Variants in PRR23C observed in about 807,000 individuals in gnomAD.
The protein encoded by PRR23C is proline-rich protein 23C.
PRR23C carries 1 observed loss-of-function variant against 0.1 expected under a neutral mutation model. That is an observed-to-expected ratio of 6.80 (90% confidence interval 2.41 to 32.24). PRR23C has a LOEUF of 32.24. Among genes scored for constraint, PRR23C ranks in the 30% most tolerant of loss-of-function variants. The pLI is 0.11. For synonymous variants in PRR23C, 172 were observed against 168.1 expected, an observed-to-expected ratio of 1.02 and a Z score of -0.18; for missense variants, 361 against 370.4, an observed-to-expected ratio of 0.97 and a Z score of 0.21.
rs1937178019 is a variant in PRR23C, at chr3:139,044,340, C to T, written c.281G>A (p.Gly94Glu). The T allele has an allele frequency of 3.7e-6, 6 of 1,608,562 alleles. No homozygotes were observed. The highest frequency in any genetic ancestry group is 4.5e-5 in the East Asian group (2 of 44,626). Residue 94 changes from glycine (G) to glutamate (E), a missense_variant, in exon 1 of 1, where the codon GGA (glycine) becomes GAA (glutamate). Coordinates refer to ENST00000413199, the MANE Select transcript of PRR23C (RefSeq NM_001134657.1). The surrounding 1 kb of genome is among the most constrained non-coding windows in gnomAD (Gnocchi z 7.5). ...CTCGGGGATCACGATGAGGGTGTGT[C>T]CACCAAGAGACACTCGCAGGACCGA... ...PMSVLRVSLG[G>E]HTLIVIPEVL...
chr3:139,044,404 GGGGCACACGCA>G, the PRR23C span: 1 of 1,570,902 alleles, frequency 6.4e-7, no homozygotes, highest in African/African-American at 1.4e-5. The surrounding 1 kb of genome is among the most constrained non-coding windows in gnomAD (Gnocchi z 7.5). Context: ...ACGTCCTCCA[GGGGCACACGCA>G]GGGCACAGCC....
Position 139,044,129 on chromosome 3 carries a change from C to T in PRR23C, c.492G>A (p.Pro164=), listed in dbSNP as rs1937173743. Residue 164 remains proline, a synonymous_variant, in exon 1 of 1, where the codon CCG becomes CCA. Transcript: ENST00000413199. The surrounding 1 kb of genome is among the most constrained non-coding windows in gnomAD (Gnocchi z 7.5). ...AYEEDADSEF[P]ELWMDSAAGS... is the part of the protein sequence containing the mutation. ...CGGCTGCGGAGTCCATCCAGAGCTC[C>T]GGGAACTCAGAGTCCGCGTCCTCCT... 2.5e-6 allele frequency: 4 copies of T among 1,612,864 alleles called. No individual in the cohort carries two copies. Among genetic ancestry groups the T allele is most frequent in the Non-Finnish European group, 2.5e-6 (3 of 1,179,402 alleles).
rs2107775034 is a variant in PRR23C at position 139,042,268 on chromosome 3, G to A, written c.*1564C>T. 6.6e-6 allele frequency: 1 copy of A among 152,220 alleles called. No individual in the cohort carries two copies. Among genetic ancestry groups the A allele is most frequent in the African/African-American group, 2.4e-5 (1 of 41,534 alleles). 9.4% of individuals were successfully genotyped at this position (152,220 alleles called of 1,614,324 possible). A position where few individuals can be genotyped will look rare whatever the true frequency, so the allele number is the denominator to read the frequency against. On this transcript the variant is annotated 3_prime_UTR_variant, in exon 1 of 1. Transcript: ENST00000413199. ...CCTGGTCTCATTAGCGCTCTTGCCA[G>A]GTTTCTGTACGTACTCTTGTGGCCC...
chr3:139,043,444 GA>G lies in PRR23C; in HGVS notation c.*387del, dbSNP rs1203075695. ...AAATAAATGTAGTAAATTAACTTGG[GA>G]GAAAAGGTGTGCCATGGTAACGTGC... On this transcript the variant is annotated 3_prime_UTR_variant, in exon 1 of 1. Transcript: ENST00000413199. The G allele has an allele frequency of 1.2e-5, 2 of 167,802 alleles. No homozygotes were observed. Among genetic ancestry groups the G allele is most frequent in the African/African-American group, 2.4e-5 (1 of 41,776 alleles). 10.4% of individuals were successfully genotyped at this position (167,802 alleles called of 1,614,324 possible).
Position 139,043,754 on chromosome 3 carries a change from G to T in PRR23C, c.*78C>A. On this transcript the variant is annotated 3_prime_UTR_variant, in exon 1 of 1. Coordinates refer to ENST00000413199, the MANE Select transcript of PRR23C (RefSeq NM_001134657.1). ...CCACTCTCCGAGATCCTTGTAGGTT[G>T]CGCAACATACACACAACGGCTATCA... 2 of 1,299,984 alleles carry T rather than the reference G, an allele frequency of 1.5e-6. No homozygotes were observed. The highest frequency in any genetic ancestry group is 2.1e-6 in the Non-Finnish European group (2 of 960,286). 80.5% of individuals were successfully genotyped at this position (1,299,984 alleles called of 1,614,324 possible).
chr3:139,044,012 G>A lies in PRR23C; in HGVS notation c.609C>T (p.Asn203=). The A allele has an allele frequency of 3.1e-6, 5 of 1,613,122 alleles. No individual in the cohort carries two copies. The highest frequency in any genetic ancestry group is 2.2e-5 in the East Asian group (1 of 44,846). The change falls in exon 1 of 1, where the codon AAC becomes AAT. Residue 203 remains asparagine (N), a synonymous_variant. Transcript: ENST00000413199. This position sits in a 1 kb window ranked among gnomAD's most constrained non-coding sequence, Gnocchi z 7.5. The stretch of plus-strand genomic sequence containing the variant: ...GTGGAGAGCGTCTCTCTGAACTGGG[G>A]TTGGGGGCCAGAGCACAGGGCCCTC... ...PIRGPCALAP[N]PSSERRSPRP... is the part of the protein sequence containing the mutation.
Position 139,043,910 on chromosome 3 carries a change from C to A in PRR23C, c.711G>T (p.Pro237=). The change falls in exon 1 of 1, where the codon CCG becomes CCT. Residue 237 remains proline (P), a synonymous_variant. Transcript: ENST00000413199. ...SSPLQPLPPS[P]SPGPHARPEL... is the part of the protein sequence containing the mutation. ...CCGGGCGCGCGTGGGGACCTGGACTCGGAGAGGGAGGTAGAGGTTGGAGAG... is the reference window on the plus strand; with the variant it reads ...CCGGGCGCGCGTGGGGACCTGGACTAGGAGAGGGAGGTAGAGGTTGGAGAG... 1 of 1,593,670 alleles carries A rather than the reference C, an allele frequency of 6.3e-7. No homozygotes were observed. Among genetic ancestry groups the A allele is most frequent in the Admixed American group, 1.8e-5 (1 of 56,330 alleles).
In PRR23C at chr3:139,044,683, C is replaced by T; in HGVS notation, c.-63G>A. Reference sequence around the variant, plus strand: ...GCAGGGGACGTGGGTGCGGGGGGCTCGGGGCGGCGAAGTCCTCTTTGAGGT... The same window carrying T: ...GCAGGGGACGTGGGTGCGGGGGGCTTGGGGCGGCGAAGTCCTCTTTGAGGT... On this transcript the variant is annotated 5_prime_UTR_variant, in exon 1 of 1. Transcript: ENST00000413199. The surrounding 1 kb of genome is among the most constrained non-coding windows in gnomAD (Gnocchi z 7.5). 2.1e-6 allele frequency: 3 copies of T among 1,413,764 alleles called. No homozygotes were observed. The highest frequency in any genetic ancestry group is 3.1e-5 in the South Asian group (2 of 65,398). The allele number at this position is 1,413,764 out of a possible 1,614,324, so 87.6% of individuals were successfully genotyped here.
rs1937186602 is a variant in PRR23C, at chr3:139,044,812, C to CTG, written c.-194_-193dup. 1.4e-5 allele frequency: 9 copies of CTG among 624,030 alleles called. No individual in the cohort carries two copies. The South Asian group carries it at 2.2e-4, about 15-fold the overall frequency. The allele number at this position is 624,030 out of a possible 1,614,324, so 38.7% of individuals were successfully genotyped here. A position where few individuals can be genotyped will look rare whatever the true frequency, so the allele number is the denominator to read the frequency against. ...GCTGCTGCTGGGGGAACCTCGCACG[C>CTG]TGTGTGGCTCAGCCTCGCGCGATGG... On this transcript the variant is annotated 5_prime_UTR_variant, in exon 1 of 1. Transcript: ENST00000413199. The surrounding 1 kb of genome is among the most constrained non-coding windows in gnomAD (Gnocchi z 7.5).
At position 139,042,422 on chromosome 3, in the gene PRR23C, C is replaced by T. The variant is rs1406958915; in HGVS notation, c.*1410G>A. ...ACAAAGCAAAAATTCAACAGTTTTT[C>T]ATGATCTGAAAGACTGAAAATTAAC... On this transcript the variant is annotated 3_prime_UTR_variant, in exon 1 of 1. Coordinates refer to ENST00000413199, the MANE Select transcript of PRR23C (RefSeq NM_001134657.1). 1.3e-5 allele frequency: 2 copies of T among 152,152 alleles called. No homozygotes were observed. Among genetic ancestry groups the T allele is most frequent in the East Asian group, 3.8e-4 (2 of 5,198 alleles). 9.4% of individuals were successfully genotyped at this position (152,152 alleles called of 1,614,324 possible).
Position 139,044,800 on chromosome 3 carries a change from GA to G in PRR23C, c.-181del. ...ATCGGAGTCGGTGCTGCTGCTGGGG[GA>G]ACCTCGCACGCTGTGTGGCTCAGCC... On this transcript the variant is annotated 5_prime_UTR_variant, in exon 1 of 1. Coordinates refer to ENST00000413199, the MANE Select transcript of PRR23C (RefSeq NM_001134657.1). This position sits in a 1 kb window ranked among gnomAD's most constrained non-coding sequence, Gnocchi z 7.5. The G allele has an allele frequency of 4.9e-6, 3 of 617,320 alleles. No individual in the cohort carries two copies. The highest frequency in any genetic ancestry group is 8.1e-6 in the Non-Finnish European group (3 of 372,104). The allele number at this position is 617,320 out of a possible 1,614,324, so 38.2% of individuals were successfully genotyped here.
Position 139,044,143 on chromosome 3 carries a change from C to A in PRR23C, c.478G>T (p.Asp160Tyr). The change falls in exon 1 of 1, where the codon GAC (aspartate) becomes TAC (tyrosine). Residue 160 changes from aspartate to tyrosine, a missense_variant. Transcript: ENST00000413199. The surrounding 1 kb of genome is among the most constrained non-coding windows in gnomAD (Gnocchi z 7.5). Reference protein sequence around the residue: ...AEEEAYEEDADSEFPELWMDS... With the variant: ...AEEEAYEEDAYSEFPELWMDS... ...ATCCAGAGCTCCGGGAACTCAGAGT[C>A]CGCGTCCTCCTCGTAGGCCTCTTCC... 6.2e-7 allele frequency: 1 copy of A among 1,613,116 alleles called. No individual in the cohort carries two copies. The highest frequency in any genetic ancestry group is 8.5e-7 in the Non-Finnish European group (1 of 1,179,536).
chr3:139,044,627 G>A lies in PRR23C; in HGVS notation c.-7C>T, dbSNP rs1410147954. 4.0e-6 allele frequency: 6 copies of A among 1,494,288 alleles called. No homozygotes were observed. The highest frequency in any genetic ancestry group is 5.3e-6 in the Non-Finnish European group (6 of 1,130,946). The allele number at this position is 1,494,288 out of a possible 1,614,324, so 92.6% of individuals were successfully genotyped here. A position where few individuals can be genotyped will look rare whatever the true frequency, so the allele number is the denominator to read the frequency against. ...TGCAGGGCCGGCTGCCCATCACCTC[G>A]ACGGCGCTGCGGACGGCGCTCCTGG... On this transcript the variant is annotated 5_prime_UTR_variant, in exon 1 of 1. Coordinates refer to ENST00000413199, the MANE Select transcript of PRR23C (RefSeq NM_001134657.1). The surrounding 1 kb of genome is among the most constrained non-coding windows in gnomAD (Gnocchi z 7.5).
At position 139,043,876 on chromosome 3, in the gene PRR23C, C is replaced by G; in HGVS notation, c.745G>C (p.Glu249Gln). ...CTTCGGACCTTGCACGGAGGGCGCT[C>G]TGGGAGCTCCGGGCGCGCGTGGGGA... ...PGPHARPELP[E>Q]RPPCKVRRRL... The change falls in exon 1 of 1, where the codon GAG (glutamate) becomes CAG (glutamine). Residue 249 changes from glutamate (E) to glutamine (Q), a missense_variant. Coordinates refer to ENST00000413199, the MANE Select transcript of PRR23C (RefSeq NM_001134657.1). 1.3e-6 allele frequency: 2 copies of G among 1,567,776 alleles called. No individual in the cohort carries two copies. Among genetic ancestry groups the G allele is most frequent in the Non-Finnish European group, 1.7e-6 (2 of 1,157,128 alleles).
At chr3:139,043,851 C>CA in the PRR23C span, 2 of 1,550,932 alleles carry the variant, frequency 1.3e-6, no homozygotes, top group Non-Finnish European at 1.7e-6. Context: ...GAACAGGCGT[C>CA]TTCGGACCTT....
Position 139,044,480 on chromosome 3 carries a change from G to A in PRR23C, c.141C>T (p.Asp47=). ...PESRAAPSPE[D]PAGTPAVDAL... is the part of the protein sequence containing the mutation. ...CGTCCACGGCCGGGGTCCCCGCCGG[G>A]TCTTCCGGGCTGGGCGCCGCTCGGG... The change falls in exon 1 of 1, where the codon GAC becomes GAT. Residue 47 remains aspartate (D), a synonymous_variant. Transcript: ENST00000413199. The surrounding 1 kb of genome is among the most constrained non-coding windows in gnomAD (Gnocchi z 7.5). 1 of 1,541,570 alleles carries A rather than the reference G, an allele frequency of 6.5e-7. No individual in the cohort carries two copies. Among genetic ancestry groups the A allele is most frequent in the Non-Finnish European group, 8.7e-7 (1 of 1,143,994 alleles).
Position 139,044,032 on chromosome 3 carries a change from G to A in PRR23C, c.589C>T (p.Pro197Ser). 6.2e-7 allele frequency: 1 copy of A among 1,613,548 alleles called. No individual in the cohort carries two copies. The highest frequency in any genetic ancestry group is 8.5e-7 in the Non-Finnish European group (1 of 1,179,742). ...SPYREGPIRG[P>S]CALAPNPSSE... ...CTGGGGTTGGGGGCCAGAGCACAGGGCCCTCGGATGGGGCCCTCCCGGTAG... is the reference window on the plus strand; with the variant it reads ...CTGGGGTTGGGGGCCAGAGCACAGGACCCTCGGATGGGGCCCTCCCGGTAG... Residue 197 changes from proline to serine, a missense_variant, in exon 1 of 1, where the codon CCC (proline) becomes TCC (serine). By Grantham distance (74) the Pro-to-Ser change is moderately conservative. Coordinates refer to ENST00000413199, the MANE Select transcript of PRR23C (RefSeq NM_001134657.1). The surrounding 1 kb of genome is among the most constrained non-coding windows in gnomAD (Gnocchi z 7.5).
chr3:139,044,578 A>G lies in PRR23C; in HGVS notation c.43T>C (p.Trp15Arg). ...PCSPSACLAP[W>R]WGQQPGGPGP... is the part of the protein sequence containing the mutation. ...GGTCCTCCTGGCTGCTGTCCCCACC[A>G]GGGCGCAAGGCAGGCGCTGGGGCTG... Residue 15 changes from tryptophan to arginine, a missense_variant, in exon 1 of 1, where the codon TGG (tryptophan) becomes CGG (arginine). Transcript: ENST00000413199. The surrounding 1 kb of genome is among the most constrained non-coding windows in gnomAD (Gnocchi z 7.5). The G allele has an allele frequency of 1.3e-6, 2 of 1,538,054 alleles. No homozygotes were observed. Among genetic ancestry groups the G allele is most frequent in the Non-Finnish European group, 8.7e-7 (1 of 1,145,326 alleles).
In PRR23C at chr3:139,044,332, G is replaced by A. The variant is rs1167263053; in HGVS notation, c.289C>T (p.Leu97Phe). 2 of 1,609,330 alleles carry A rather than the reference G, an allele frequency of 1.2e-6. No individual in the cohort carries two copies. Among genetic ancestry groups the A allele is most frequent in the Non-Finnish European group, 1.7e-6 (2 of 1,178,088 alleles). The change falls in exon 1 of 1, where the codon CTC (leucine) becomes TTC (phenylalanine). Residue 97 changes from leucine to phenylalanine, a missense_variant. Transcript: ENST00000413199. The surrounding 1 kb of genome is among the most constrained non-coding windows in gnomAD (Gnocchi z 7.5). The stretch of plus-strand genomic sequence containing the variant: ...AGGAGGACCTCGGGGATCACGATGA[G>A]GGTGTGTCCACCAAGAGACACTCGC... ...VLRVSLGGHT[L>F]IVIPEVLLSS...
Sources: allele counts gnomAD v4.1 joint callset, GRCh38; gene constraint gnomAD v4.1.1; non-coding constraint Gnocchi (gnomAD v3.1); transcripts MANE v1.5; gene names NCBI Gene and HGNC (gene_info 2026-07-23, HGNC 2026-07-21).